The following NAA50 variants were observed in gnomAD, a reference collection of about 807,000 sequenced individuals.
NAA50 encodes the protein N-alpha-acetyltransferase 50.
NAA50 carries 7 observed loss-of-function variants against 20.7 expected under a neutral mutation model. The observed-to-expected ratio is 0.34, with a 90% CI of 0.19 to 0.63. NAA50 has a LOEUF of 0.63. NAA50 is among the 30% of genes least tolerant of loss of function. NAA50 has a pLI of 0.75. For synonymous variants in NAA50, 54 were observed against 70.6 expected, an observed-to-expected ratio of 0.77 and a Z score of 1.18; for missense variants, 111 against 199.1, an observed-to-expected ratio of 0.56 and a Z score of 2.66.
intron 1 of NAA50, among the ~76,000 whole-genome samples, chr3:113,734,758 C>T (rs1708318040): frequency 6.6e-6 from 1 of 152,144 alleles, no homozygotes; most frequent in African/African-American, 2.4e-5. Flanking sequence ...ATCACTCTTC[C>T]AAATTTCAGC....
intron 1 of NAA50, among the ~76,000 whole-genome samples, chr3:113,727,439 G>A (rs985397522): frequency 6.6e-6 from 1 of 152,076 alleles, no homozygotes; most frequent in African/African-American, 2.4e-5. Context: ...AATAATACCA[G>A]GTATTTCTTG....
At chr3:113,727,237 A>T (rs1708211454) in intron 1 of NAA50, among the ~76,000 whole-genome samples, 1 of 152,060 alleles carries the variant, frequency 6.6e-6, no homozygotes, top group Non-Finnish European at 1.5e-5. Flanking sequence ...CATCTCATTT[A>T]AAAAAAAGTC....
rs781672267 is a variant in NAA50, at chr3:113,717,727, C to G, written c.*4033G>C. 3.9e-5 allele frequency: 6 copies of G among 152,246 alleles called. No individual in the cohort carries two copies. The highest frequency in any genetic ancestry group is 8.8e-5 in the Non-Finnish European group (6 of 68,066). 9.4% of individuals were successfully genotyped at this position (152,246 alleles called of 1,614,324 possible). ...AGTCTGAGACAGACTAGTCTCCCCT[C>G]CCCACTGAAAACCCAACCACAAGAG... is the stretch of plus-strand genomic sequence containing the variant. On this transcript the variant is annotated 3_prime_UTR_variant, in exon 5 of 5. Transcript: ENST00000240922.
In NAA50 at chr3:113,720,550, C is replaced by G. The variant is rs1577066255; in HGVS notation, c.*1210G>C. On this transcript the variant is annotated 3_prime_UTR_variant, in exon 5 of 5. Coordinates refer to ENST00000240922, the MANE Select transcript of NAA50 (RefSeq NM_025146.4). ...TGACATTTGTATTATTAACATTTTA[C>G]ACTTCTATTTTTCCAAGAATAGAAG... is the stretch of plus-strand genomic sequence containing the variant. 1 of 152,612 alleles carries G rather than the reference C, an allele frequency of 6.6e-6. No individual in the cohort carries two copies. The highest frequency in any genetic ancestry group is 2.4e-5 in the African/African-American group (1 of 41,456). 9.5% of individuals were successfully genotyped at this position (152,612 alleles called of 1,614,324 possible).
In NAA50 at chr3:113,721,826, A is replaced by G. The variant is rs2107983421; in HGVS notation, c.444T>C (p.His148=). ...GAACTTTGAGGTTTTTCTGCAGCAC[A>G]TGAGCATCTGCGGGCTCTATCCTCT... ...YYKRIEPADA[H]VLQKNLKVPS... is the part of the protein sequence containing the mutation. Residue 148 remains histidine (H), a synonymous_variant, in exon 5 of 5, where the codon CAT becomes CAC. Coordinates refer to ENST00000240922, the MANE Select transcript of NAA50 (RefSeq NM_025146.4). 6.2e-7 allele frequency: 1 copy of G among 1,613,950 alleles called. No individual in the cohort carries two copies. Among genetic ancestry groups the G allele is most frequent in the Non-Finnish European group, 8.5e-7 (1 of 1,179,828 alleles).
rs373027137 is a variant in NAA50, at chr3:113,724,086, G to A, written c.18C>T (p.Ile6=). 7.2e-5 allele frequency: 114 copies of A among 1,581,090 alleles called. No individual in the cohort carries two copies. Among genetic ancestry groups the A allele is most frequent in the Middle Eastern group, 1.7e-4 (1 of 5,960 alleles). MKGSR[I]ELGDVTPHNI... is the part of the protein sequence containing the mutation. ...TGTGTGGTGTCACATCTCCCAGCTC[G>A]ATCCGGCTACTGGAACAAATCAAAA... is the stretch of plus-strand genomic sequence containing the variant. Residue 6 remains isoleucine, a synonymous_variant, in exon 2 of 5, where the codon ATC becomes ATT. Coordinates refer to ENST00000240922, the MANE Select transcript of NAA50 (RefSeq NM_025146.4).
chr3:113,737,580 AAACTAT>A (rs1708360570), intron 1 of NAA50, among the ~76,000 whole-genome samples: 1 of 152,306 alleles, frequency 6.6e-6, no homozygotes, highest in Admixed American at 6.5e-5. Context: ...CTCTTCTATA[AAACTAT>A]AAGACTTAGG....
intron 1 of NAA50, among the ~76,000 whole-genome samples, chr3:113,740,212 G>C (rs769961589): frequency 6.6e-6 from 1 of 151,814 alleles, no homozygotes; most frequent in Non-Finnish European, 1.5e-5. Context: ...TTTATTCCAA[G>C]TCTTTAAAAT....
At position 113,721,654 on chromosome 3, in the gene NAA50, G is replaced by C. The variant is rs1379813200; in HGVS notation, c.*106C>G. ...AGGAAGAAAGAAAAACAAGAACAAG[G>C]AGGGAGAAAAGCTTTAAAAGAAAAG... On this transcript the variant is annotated 3_prime_UTR_variant, in exon 5 of 5. Coordinates refer to ENST00000240922, the MANE Select transcript of NAA50 (RefSeq NM_025146.4). 1.7e-6 allele frequency: 2 copies of C among 1,144,834 alleles called. No homozygotes were observed. The highest frequency in any genetic ancestry group is 2.7e-5 in the South Asian group (2 of 74,240). 70.9% of individuals were successfully genotyped at this position (1,144,834 alleles called of 1,614,324 possible).
rs377686358 is a variant in NAA50, at chr3:113,720,700, T to C, written c.*1060A>G. On this transcript the variant is annotated 3_prime_UTR_variant, in exon 5 of 5. Transcript: ENST00000240922. ...AGCACAGCTATGTTATTCTCAAAAA[T>C]ACTATTTTTTCCTATAAAATCAAAT... The C allele has an allele frequency of 2.6e-5, 4 of 152,552 alleles. No homozygotes were observed. The highest frequency in any genetic ancestry group is 1.3e-4 in the Admixed American group (2 of 15,302). 9.4% of individuals were successfully genotyped at this position (152,552 alleles called of 1,614,324 possible).
chr3:113,745,796 G>C (rs1453635943), intron 1 of NAA50, 146 bp downstream of exon 1: 1 of 986,866 alleles, frequency 1.0e-6, no homozygotes, highest in Non-Finnish European at 1.4e-6. Context: ...GCCCCCTCCG[G>C]GAGCCGAGGG....
At chr3:113,743,481 G>C (rs1377880647) in intron 1 of NAA50, among the ~76,000 whole-genome samples, 3 of 152,086 alleles carry the variant, frequency 2.0e-5, no homozygotes. Context: ...ACAAGTTTTG[G>C]AACTCAAGGC....
chr3:113,722,160 G>A (rs1470515329), intron 4 of NAA50, among the ~76,000 whole-genome samples: 1 of 151,974 alleles, frequency 6.6e-6, no homozygotes, highest in Non-Finnish European at 1.5e-5. Context: ...AAGGCTCAGT[G>A]TTTATTCTTG....
chr3:113,737,840 A>G (rs961700333), intron 1 of NAA50, among the ~76,000 whole-genome samples: 11 of 151,514 alleles, frequency 7.3e-5, no homozygotes, highest in Non-Finnish European at 1.5e-4. Flanking sequence ...GACATTACCA[A>G]TAATTGGGAA....
chr3:113,743,498 C>T (rs1329498650), intron 1 of NAA50, among the ~76,000 whole-genome samples: 1 of 152,150 alleles, frequency 6.6e-6, no homozygotes, highest in African/African-American at 2.4e-5. Flanking sequence ...AGGCGCTTAA[C>T]TTATTTTAAA....
At position 113,724,111 on chromosome 3, in the gene NAA50, A is replaced by G; in HGVS notation, c.9-16T>C. 6.5e-7 allele frequency: 1 copy of G among 1,546,260 alleles called. No homozygotes were observed. Among genetic ancestry groups the G allele is most frequent in the East Asian group, 2.3e-5 (1 of 43,382 alleles). On this transcript the variant is annotated splice_polypyrimidine_tract_variant and intron_variant, in intron 1 of 4. Transcript: ENST00000240922. The stretch of plus-strand genomic sequence containing the variant: ...GATCCGGCTACTGGAACAAATCAAA[A>G]TGTACTCAATAAAACATAATTAGCC...
chr3:113,721,181 G>A lies in NAA50; in HGVS notation c.*579C>T, dbSNP rs1175502564. On this transcript the variant is annotated 3_prime_UTR_variant, in exon 5 of 5. Transcript: ENST00000240922. ...ACTGCCCCACCCACCAGCAAGAAGA[G>A]AAGATATAATTACTTAAAAATCAAC... 5 of 152,996 alleles carry A rather than the reference G, an allele frequency of 3.3e-5. No individual in the cohort carries two copies. In the Admixed American group the frequency reaches 3.3e-4, roughly 10 times the overall value. 9.5% of individuals were successfully genotyped at this position (152,996 alleles called of 1,614,324 possible). A position where few individuals can be genotyped will look rare whatever the true frequency, so the allele number is the denominator to read the frequency against.
chr3:113,732,156 T>C (rs1376358116), intron 1 of NAA50, among the ~76,000 whole-genome samples: 1 of 152,212 alleles, frequency 6.6e-6, no homozygotes, highest in Non-Finnish European at 1.5e-5. Flanking sequence ...GATTAAGATC[T>C]TGAGATGTGA....
chr3:113,741,437 C>A (rs1236024504), intron 1 of NAA50, among the ~76,000 whole-genome samples: 11 of 150,814 alleles, frequency 7.3e-5, no homozygotes, highest in Non-Finnish European at 7.4e-5. Flanking sequence ...CTACTGGTTA[C>A]TACTGGTATT....
Sources: gnomAD v4.1 joint callset for allele counts (sites outside exome capture counted in the v4.1 genomes callset) on GRCh38, gnomAD v4.1.1 for gene constraint, MANE v1.5 for transcripts, NCBI Gene and HGNC (gene_info 2026-07-23, HGNC 2026-07-21) for gene names.